The following COX15 variants were observed in gnomAD, a reference collection of about 807,000 sequenced individuals.
COX15 encodes heme A synthase COX15.
A neutral mutation model predicts 51.9 loss-of-function variants in COX15; 51 were observed. The ratio of observed to expected loss-of-function variants is 0.98; its 90% confidence interval spans 0.78 to 1.24. The LOEUF is 1.24. COX15 is among the 50% of genes most tolerant of loss of function. The pLI is 0.00. For missense variants in COX15, 420 were observed against 501.1 expected (o/e 0.84, Z 1.55); for synonymous variants, 188 against 190.5 (o/e 0.99, Z 0.11).
the COX15 span, chr10:99,699,002 G>C: frequency 1.4e-6 from 1 of 727,904 alleles, no homozygotes; most frequent in African/African-American, 1.8e-5. Context: ...TCATTTTACA[G>C]ATGAGGAAGT....
the COX15 span, chr10:99,700,938 A>T: frequency 6.3e-7 from 1 of 1,580,540 alleles, no homozygotes; most frequent in Non-Finnish European, 8.7e-7. Flanking sequence ...TTGCCTCCAA[A>T]TTCATGTTGC....
At chr10:99,698,267 C>G in the COX15 span, among the ~76,000 whole-genome samples, 1 of 152,206 alleles carries the variant, frequency 6.6e-6, no homozygotes, top group Non-Finnish European at 1.5e-5. Context: ...ACAGCAGATT[C>G]ACATCTCCAA....
chr10:99,714,130 T>C lies in COX15; in HGVS notation c.*457A>G. On this transcript the variant is annotated 3_prime_UTR_variant, in exon 9 of 9. Coordinates refer to ENST00000016171, the MANE Select transcript of COX15 (RefSeq NM_078470.6). ...AAGACATTAGCTTTTTTTTTTTTGC[T>C]GAAGACCAGCTGGCTACTTTGGGTA... 1 of 1,015,774 alleles carries C rather than the reference T, an allele frequency of 9.8e-7. No individual in the cohort carries two copies. Among genetic ancestry groups the C allele is most frequent in the South Asian group, 4.0e-5 (1 of 25,068 alleles). 62.9% of individuals were successfully genotyped at this position (1,015,774 alleles called of 1,614,324 possible). A position where few individuals can be genotyped will look rare whatever the true frequency, so the allele number is the denominator to read the frequency against.
chr10:99,713,861 C>T lies in COX15; in HGVS notation c.*726G>A, dbSNP rs1590079565. On this transcript the variant is annotated 3_prime_UTR_variant, in exon 9 of 9. Transcript: ENST00000016171. The stretch of plus-strand genomic sequence containing the variant: ...ACTTGTGCCTGTAGTCCCAGCTACT[C>T]GGGAGGCTGAGGCATGAGAATCGCT... 2 of 433,026 alleles carry T rather than the reference C, an allele frequency of 4.6e-6. No individual in the cohort carries two copies. Among genetic ancestry groups the T allele is most frequent in the Non-Finnish European group, 6.8e-6 (2 of 295,620 alleles). The allele number at this position is 433,026 out of a possible 1,614,324, so 26.8% of individuals were successfully genotyped here. A position where few individuals can be genotyped will look rare whatever the true frequency, so the allele number is the denominator to read the frequency against.
chr10:99,704,610 G>A, the COX15 span: 41 of 1,614,096 alleles, frequency 2.5e-5, no homozygotes, highest in East Asian at 2.5e-4. Flanking sequence ...CGACAAACAC[G>A]AGCCTCAGCT....
At chr10:99,730,092 C>G (rs1369359103) in intron 1 of COX15, among the ~76,000 whole-genome samples, 2 of 152,166 alleles carry the variant, frequency 1.3e-5, no homozygotes, top group African/African-American at 4.8e-5. Context: ...TACTGCAGAT[C>G]TCCGCTTACA....
chr10:99,729,464 A>G, intron 2 of COX15, 89 bp downstream of exon 2: 1 of 336,298 alleles, frequency 3.0e-6, no homozygotes, highest in Non-Finnish European at 3.9e-6. Flanking sequence ...TGTCTCAAAA[A>G]AAAAAAAAAA....
At chr10:99,704,920 C>G in the COX15 span, 6 of 537,610 alleles carry the variant, frequency 1.1e-5, no homozygotes, top group South Asian at 6.6e-5. Context: ...TACGGGGGAC[C>G]AAGCTTTGTC....
chr10:99,710,384 C>G (rs915526396), downstream of COX15: 1 of 985,294 alleles, frequency 1.0e-6, no homozygotes, highest in African/African-American at 1.7e-5. Context: ...TGTACTCCCC[C>G]TTTATTTCTA....
In COX15 at chr10:99,720,121, T is replaced by C. The variant is rs933109686; in HGVS notation, c.832+866A>G. On this transcript the variant is annotated intron_variant, in intron 6 of 8. Transcript: ENST00000016171. ...TCTACTGGATAGTGCAGTTCTAGAA[T>C]GAGAGCAGCAGTGGTGGAAGTGTGG... Among the ~76,000 whole-genome samples, 4 of 152,150 alleles carry C rather than the reference T, an allele frequency of 2.6e-5. 1 individual carries two copies. Among genetic ancestry groups the C allele is most frequent in the Non-Finnish European group, 5.9e-5 (4 of 68,024 alleles).
At chr10:99,726,640 CACTT>C (rs2036958778) in intron 4 of COX15, among the ~76,000 whole-genome samples, 1 of 152,124 alleles carries the variant, frequency 6.6e-6, no homozygotes, top group African/African-American at 2.4e-5. Flanking sequence ...GTAATCCCAG[CACTT>C]TGGGAGGCCA....
chr10:99,698,712 C>G, the COX15 span: 1 of 1,614,198 alleles, frequency 6.2e-7, no homozygotes, highest in Non-Finnish European at 8.5e-7. Context: ...CAACACCAGC[C>G]AGGCCTCACT....
intron 2 of COX15, among the ~76,000 whole-genome samples, chr10:99,728,519 G>C (rs974822402): frequency 1.3e-5 from 2 of 152,146 alleles, no homozygotes; most frequent in African/African-American, 4.8e-5. Context: ...GATGATGAGG[G>C]AAAGCTTTTT....
At chr10:99,700,393 CGTGTGTGTGTGTGTGTGTGTATGTGT>C in the COX15 span, among the ~76,000 whole-genome samples, 11 of 103,596 alleles carry the variant, frequency 1.1e-4, no homozygotes, top group Non-Finnish European at 2.1e-4. Flanking sequence ...TCCAACGTAC[CGTGTGTGTGTGTGTGTGTGTATGTGT>C]GTGTGTGTGT....
chr10:99,708,876 A>C, downstream of COX15: 1 of 985,420 alleles, frequency 1.0e-6, no homozygotes, highest in Non-Finnish European at 1.2e-6. Flanking sequence ...ATCTTTCTGC[A>C]AGTATAAACA....
chr10:99,712,302 T>A lies in COX15; in HGVS notation c.*2285A>T, dbSNP rs2036421002. 1.0e-6 allele frequency: 1 copy of A among 985,412 alleles called. No individual in the cohort carries two copies. The highest frequency in any genetic ancestry group is 5.2e-4 in the Middle Eastern group (1 of 1,914). 61.0% of individuals were successfully genotyped at this position (985,412 alleles called of 1,614,324 possible). ...AACTGAGATCACCTAGTTCAGAGAC[T>A]AACGGGAAACGTTAGGTCATTTATG... On this transcript the variant is annotated 3_prime_UTR_variant, in exon 9 of 9. Coordinates refer to ENST00000016171, the MANE Select transcript of COX15 (RefSeq NM_078470.6).
chr10:99,718,882 A>C (rs545967871), intron 6 of COX15, among the ~76,000 whole-genome samples: 1 of 152,278 alleles, frequency 6.6e-6, no homozygotes, highest in South Asian at 2.1e-4. Context: ...TGTCTGCATG[A>C]CTGACTCCCT....
downstream of COX15, chr10:99,709,688 T>G (rs1420525633): frequency 1.0e-6 from 1 of 985,322 alleles, no homozygotes; most frequent in African/African-American, 1.7e-5. Context: ...CTACCCTGTT[T>G]TCTGTTTCTG....
At chr10:99,698,684 C>G in the COX15 span, 14 of 1,614,016 alleles carry the variant, frequency 8.7e-6, no homozygotes, top group Admixed American at 1.5e-4. Flanking sequence ...CAATGCTGAG[C>G]CCCCTGCTGG....
Sources: allele counts gnomAD v4.1 joint callset (sites outside exome capture counted in the v4.1 genomes callset), GRCh38; gene constraint gnomAD v4.1.1; transcripts MANE v1.5; gene names NCBI Gene and HGNC (gene_info 2026-07-23, HGNC 2026-07-21).